ADAM32: variants seen among roughly 807,000 people sequenced by gnomAD.
ADAM32 encodes the protein ADAM metallopeptidase domain 32, also known as disintegrin and metalloproteinase domain-containing protein 32.
In ADAM32, 89 loss-of-function variants were observed where a neutral mutation model predicts 114.9. The ratio of observed to expected loss-of-function variants is 0.77; its 90% confidence interval spans 0.65 to 0.92. ADAM32 has a LOEUF of 0.92. Among genes scored for constraint, ADAM32 ranks in the 40% least tolerant of loss-of-function variants. The pLI, the probability that ADAM32 is intolerant of heterozygous loss-of-function variation, is 0.00. For missense variants in ADAM32, 870 were observed against 932.8 expected (o/e 0.93, Z 0.88); for synonymous variants, 285 against 307.5 (o/e 0.93, Z 0.77).
intron 2 of ADAM32, chr8:39,132,148 C>A: frequency 6.2e-6 from 1 of 160,320 alleles, no homozygotes; most frequent in South Asian, 1.4e-4. Context: ...CCACCTTGGC[C>A]TCCCAAAGTG....
At chr8:39,143,320 T>C (rs1205904289) in intron 3 of ADAM32, among the ~76,000 whole-genome samples, 1 of 152,212 alleles carries the variant, frequency 6.6e-6, no homozygotes, top group East Asian at 1.9e-4. Flanking sequence ...GCTTTTCTGC[T>C]CTGGTTTCTC....
At chr8:39,112,352 A>C (rs1157824427) in intron 1 of ADAM32, among the ~76,000 whole-genome samples, 2 of 152,044 alleles carry the variant, frequency 1.3e-5, no homozygotes, top group Non-Finnish European at 2.9e-5. Flanking sequence ...AGTTTTCTTC[A>C]ATGTGTTATT....
At chr8:39,124,617 C>G (rs547856685) in intron 2 of ADAM32, among the ~76,000 whole-genome samples, 2 of 152,078 alleles carry the variant, frequency 1.3e-5, no homozygotes, top group Admixed American at 1.3e-4. Flanking sequence ...GGGGTTTCAC[C>G]GTGTTAGCCA....
At chr8:39,150,141 T>C (rs1418713408) in intron 5 of ADAM32, among the ~76,000 whole-genome samples, 1 of 152,148 alleles carries the variant, frequency 6.6e-6, no homozygotes, top group Non-Finnish European at 1.5e-5. Context: ...ATTGAACATG[T>C]TTGACTACAA....
At chr8:39,169,810 G>A in intron 9 of ADAM32, 106 bp from the exon 10 acceptor site, 1 of 732,818 alleles carries the variant, frequency 1.4e-6, no homozygotes, top group Non-Finnish European at 2.2e-6. Flanking sequence ...ACCTCAATTT[G>A]CTTCAGATTT....
intron 6 of ADAM32, among the ~76,000 whole-genome samples, chr8:39,156,251 G>A (rs1308129720): frequency 6.6e-6 from 1 of 152,090 alleles, no homozygotes; most frequent in African/African-American, 2.4e-5. Context: ...AAGCACAGGT[G>A]ATCCTCCTGC....
chr8:39,147,691 A>G (rs1472536937), intron 4 of ADAM32, among the ~76,000 whole-genome samples: 1 of 152,002 alleles, frequency 6.6e-6, no homozygotes, highest in Non-Finnish European at 1.5e-5. Context: ...CATCATCTCT[A>G]GTTTGGATCA....
intron 10 of ADAM32, among the ~76,000 whole-genome samples, chr8:39,177,639 G>A (rs767719564): frequency 6.6e-6 from 1 of 152,114 alleles, no homozygotes; most frequent in Non-Finnish European, 1.5e-5. Context: ...TTTTGGTAGT[G>A]GCTGATAATT....
rs145876628 is a variant in ADAM32 at position 39,265,767 on chromosome 8, C to T, written c.2163-5109C>T. ...TTTGCTTAATAGTGTTGGGGGGCTA[C>T]GCATGTAAGTATGATTTTGTGGTGG... is the stretch of plus-strand genomic sequence containing the variant. On this transcript the variant is annotated intron_variant, in intron 19 of 24. Transcript: ENST00000379907. Among the ~76,000 whole-genome samples the T allele has an allele frequency of 8.5e-3, 1,294 of 151,792 alleles. 60 individuals are homozygous for T. Among genetic ancestry groups the T allele is most frequent in the Admixed American group, 0.071 (1,082 of 15,248 alleles).
At chr8:39,125,300 T>C in intron 2 of ADAM32, among the ~76,000 whole-genome samples, 1 of 152,192 alleles carries the variant, frequency 6.6e-6, no homozygotes, top group South Asian at 2.1e-4. Context: ...GGTTTTGGAC[T>C]TTGTTGGGAT....
At chr8:39,228,924 G>A (rs1425401028) in intron 14 of ADAM32, among the ~76,000 whole-genome samples, 1 of 152,214 alleles carries the variant, frequency 6.6e-6, no homozygotes, top group East Asian at 1.9e-4. Flanking sequence ...CTTAAGAGCT[G>A]TGAGACAGAA....
rs185031056 is a variant in ADAM32 at position 39,275,968 on chromosome 8, T to G, written c.2279+102T>G. On this transcript the variant is annotated intron_variant, in intron 22 of 24. Transcript: ENST00000379907. ...AATTACTTGCTAACTATTAACTGAG[T>G]AGCCACAATTAGTAAAGTACTGTAC... is the stretch of plus-strand genomic sequence containing the variant. 5 of 1,090,256 alleles carry G rather than the reference T, an allele frequency of 4.6e-6. No individual in the cohort carries two copies. The African/African-American group carries it at 8.0e-5, about 18-fold the overall frequency. The allele number at this position is 1,090,256 out of a possible 1,614,324, so 67.5% of individuals were successfully genotyped here.
At chr8:39,255,213 T>C (rs1282329188) in intron 18 of ADAM32, among the ~76,000 whole-genome samples, 1 of 151,656 alleles carries the variant, frequency 6.6e-6, no homozygotes, top group Non-Finnish European at 1.5e-5. Context: ...GTAATGACTT[T>C]TATATAATGA....
chr8:39,203,194 T>A (rs147326457), intron 11 of ADAM32, among the ~76,000 whole-genome samples: 7,265 of 152,204 alleles, frequency 0.048, 244 homozygotes, highest in Admixed American at 0.067. Flanking sequence ...CCTTGTTAAC[T>A]TTCTGTCTCA....
chr8:39,177,450 T>G (rs1053650746), intron 10 of ADAM32, among the ~76,000 whole-genome samples: 3 of 152,212 alleles, frequency 2.0e-5, no homozygotes. Flanking sequence ...TCTTTATTCA[T>G]CTTGTCATTT....
At chr8:39,108,626 A>G (rs1840026204) in intron 1 of ADAM32, among the ~76,000 whole-genome samples, 1 of 152,222 alleles carries the variant, frequency 6.6e-6, no homozygotes, top group Non-Finnish European at 1.5e-5. Context: ...TCTGGCTGAC[A>G]AGATTCAGAA....
intron 11 of ADAM32, among the ~76,000 whole-genome samples, chr8:39,201,039 G>A (rs545631789): frequency 1.3e-5 from 2 of 152,166 alleles, no homozygotes; most frequent in South Asian, 2.1e-4. Flanking sequence ...TTGTAATATA[G>A]TTTGAAGTCA....
rs1299650803 is a variant in ADAM32, at chr8:39,209,865, G to C, written c.1053-1279G>C. Reference sequence around the variant, plus strand: ...GTTGCTCTCTATACTGCACTGTCTGGAGTTGCTGGAGAGGTGATACATGCA... The same window carrying C: ...GTTGCTCTCTATACTGCACTGTCTGCAGTTGCTGGAGAGGTGATACATGCA... On this transcript the variant is annotated intron_variant, in intron 11 of 24. Transcript: ENST00000379907. 3.9e-5 allele frequency among the ~76,000 whole-genome samples: 6 copies of C among 152,240 alleles called. No individual in the cohort carries two copies. In the East Asian group the frequency reaches 9.7e-4, roughly 24 times the overall value.
intron 20 of ADAM32, 53 bp downstream of exon 20, chr8:39,270,967 T>C (rs1812681622): frequency 4.6e-6 from 7 of 1,521,978 alleles, no homozygotes; most frequent in Admixed American, 2.0e-5. Context: ...TAAGAGTTAA[T>C]TGATAATTCA....
Sources: gnomAD v4.1 joint callset for allele counts (sites outside exome capture counted in the v4.1 genomes callset) on GRCh38, gnomAD v4.1.1 for gene constraint, MANE v1.5 for transcripts, NCBI Gene and HGNC (gene_info 2026-07-23, HGNC 2026-07-21) for gene names.